Variants in BCAR3 observed in about 807,000 individuals in gnomAD.
The protein encoded by BCAR3 is breast cancer anti-estrogen resistance protein 3.
A neutral mutation model predicts 80.1 loss-of-function variants in BCAR3; 37 were observed. The observed-to-expected ratio is 0.46, with a 90% CI of 0.36 to 0.61. BCAR3 has a LOEUF of 0.61. BCAR3 is among the 20% of genes least tolerant of loss of function. BCAR3 has a pLI of 0.00. For synonymous variants in BCAR3, 389 were observed against 418.9 expected, an observed-to-expected ratio of 0.93 and a Z score of 0.87; for missense variants, 978 against 1,068.2, an observed-to-expected ratio of 0.92 and a Z score of 1.18.
intron 3 of BCAR3, among the ~76,000 whole-genome samples, chr1:93,641,637 T>C (rs1353330753): frequency 6.6e-6 from 1 of 152,224 alleles, no homozygotes; most frequent in East Asian, 1.9e-4. Context: ...GTTGAATACT[T>C]AGAAGCATTG....
chr1:93,619,086 A>G (rs934191955), intron 3 of BCAR3, among the ~76,000 whole-genome samples: 8 of 149,116 alleles, frequency 5.4e-5, no homozygotes, highest in East Asian at 2.0e-4. Context: ...CTACAGGCAC[A>G]TGCCACCACG....
In BCAR3 at chr1:93,586,350, C is replaced by T. The variant is rs540941512; in HGVS notation, c.930-2229G>A. ...TTATTTCACTTAACATAATGATCTC[C>T]AATTCCATCCACGTGGTTGCAAATA... On this transcript the variant is annotated intron_variant, in intron 5 of 11. Transcript: ENST00000260502. This position sits in a 1 kb window ranked among gnomAD's most constrained non-coding sequence, Gnocchi z 4.2. Among the ~76,000 whole-genome samples the T allele has an allele frequency of 6.6e-6, 1 of 152,278 alleles. No individual in the cohort carries two copies. Among genetic ancestry groups the T allele is most frequent in the Non-Finnish European group, 1.5e-5 (1 of 68,020 alleles).
chr1:93,679,439 GGACACA>G (rs917730345), intron 1 of BCAR3, among the ~76,000 whole-genome samples: 1 of 152,242 alleles, frequency 6.6e-6, no homozygotes, highest in Non-Finnish European at 1.5e-5. Context: ...ACATGGACAC[GGACACA>G]GACACAGACA....
At chr1:93,777,381 TTCTTCTTCC>T (rs1279901967) in intron 2 of BCAR3, among the ~76,000 whole-genome samples, 17 of 142,398 alleles carry the variant, frequency 1.2e-4, no homozygotes, top group East Asian at 1.0e-3. Flanking sequence ...CTTCCTCCTC[TTCTTCTTCC>T]TCTTCTTCCT....
At chr1:93,752,359 G>A (rs1651588064) in intron 2 of BCAR3, among the ~76,000 whole-genome samples, 1 of 152,322 alleles carries the variant, frequency 6.6e-6, no homozygotes, top group Middle Eastern at 3.4e-3. Context: ...CTCCTTCCCA[G>A]GCTAGGGCCA....
chr1:93,700,284 C>T (rs1204423673), intron 3 of BCAR3, among the ~76,000 whole-genome samples: 3 of 152,168 alleles, frequency 2.0e-5, no homozygotes, highest in Non-Finnish European at 2.9e-5. Flanking sequence ...CCTCCTCCTC[C>T]TGAGCTCAAG....
chr1:93,820,319 C>G (rs1346879142), intron 2 of BCAR3, among the ~76,000 whole-genome samples: 1 of 152,186 alleles, frequency 6.6e-6, no homozygotes, highest in Non-Finnish European at 1.5e-5. Flanking sequence ...ATACTAACTA[C>G]CTGGAATTAG....
At chr1:93,834,624 G>A (rs188894394) in intron 2 of BCAR3, among the ~76,000 whole-genome samples, 1 of 152,338 alleles carries the variant, frequency 6.6e-6, no homozygotes, top group Non-Finnish European at 1.5e-5. Flanking sequence ...TAGCCCTCAT[G>A]TCTGTGTGTG....
intron 2 of BCAR3, among the ~76,000 whole-genome samples, chr1:93,758,221 G>A (rs1173941375): frequency 6.6e-6 from 1 of 152,214 alleles, no homozygotes; most frequent in African/African-American, 2.4e-5. Flanking sequence ...GTACCTGTCA[G>A]AGACCAGAGA....
intron 2 of BCAR3, among the ~76,000 whole-genome samples, chr1:93,813,711 G>A (rs1438447111): frequency 6.6e-6 from 1 of 152,154 alleles, no homozygotes; most frequent in African/African-American, 2.4e-5. Flanking sequence ...AACATATTAT[G>A]ATTGCAACTT....
chr1:93,845,484 A>C (rs1418703167), intron 2 of BCAR3: 53 of 3,316 alleles, frequency 0.016, 5 homozygotes, highest in East Asian at 0.083. Flanking sequence ...ATATATATAT[A>C]TATATATATA....
intron 3 of BCAR3, among the ~76,000 whole-genome samples, chr1:93,701,453 GC>G (rs1357050635): frequency 3.3e-5 from 5 of 152,224 alleles, no homozygotes; most frequent in African/African-American, 1.2e-4. Context: ...GGTCTGTTGG[GC>G]CCTGAGAAAA....
At chr1:93,664,885 C>A (rs1222433405) in intron 2 of BCAR3, among the ~76,000 whole-genome samples, 1 of 152,194 alleles carries the variant, frequency 6.6e-6, no homozygotes, top group Non-Finnish European at 1.5e-5. Context: ...TGTTTGGCTG[C>A]TATCTATCTG....
chr1:93,588,927 T>C lies in BCAR3; in HGVS notation c.929+50A>G, dbSNP rs538963546. On this transcript the variant is annotated intron_variant, in intron 5 of 11. Transcript: ENST00000260502. ...GAATTCTTCACCTGCCTAACTAACC[T>C]TGGGCACCCCGGCGCCCCTCATAGT... 2.8e-5 allele frequency: 41 copies of C among 1,488,726 alleles called. No homozygotes were observed. In the South Asian group the frequency reaches 4.6e-4, roughly 17 times the overall value. 92.2% of individuals were successfully genotyped at this position (1,488,726 alleles called of 1,614,324 possible). A position where few individuals can be genotyped will look rare whatever the true frequency, so the allele number is the denominator to read the frequency against.
intron 4 of BCAR3, among the ~76,000 whole-genome samples, chr1:93,590,992 A>G (rs1674151304): frequency 6.6e-6 from 1 of 152,128 alleles, no homozygotes; most frequent in African/African-American, 2.4e-5. Context: ...GGGAGGATGT[A>G]TGTACACAAA....
intron 2 of BCAR3, among the ~76,000 whole-genome samples, chr1:93,800,575 C>CTAAATAAA (rs3068793): frequency 2.2e-4 from 33 of 150,490 alleles, no homozygotes; most frequent in African/African-American, 6.4e-4. Flanking sequence ...GACTCTGTCT[C>CTAAATAAA]TAAATAAATA....
At chr1:93,571,967 GCA>G (rs890204033) in intron 8 of BCAR3, 126 bp from the exon 9 acceptor site, 3 of 1,165,460 alleles carry the variant, frequency 2.6e-6, no homozygotes, top group East Asian at 2.4e-5. Flanking sequence ...TGTGCCGGCA[GCA>G]CAGTTTAGAC....
In BCAR3 at chr1:93,582,628, G is replaced by T. The variant is rs1302061646; in HGVS notation, c.1359C>A (p.Ser453Arg). 1 of 1,613,960 alleles carries T rather than the reference G, an allele frequency of 6.2e-7. No homozygotes were observed. Among genetic ancestry groups the T allele is most frequent in the Admixed American group, 1.7e-5 (1 of 59,994 alleles). ...GAKLPSCAQG[S>R]HTELLTAKQN... ...GCTTGGCTGTGAGCAGTTCTGTGTG[G>T]CTTCCCTGGGCACATGAGGGTAGCT... Residue 453 changes from serine to arginine, a missense_variant, in exon 7 of 12, where the codon AGC becomes AGA. Transcript: ENST00000260502.
intron 2 of BCAR3, among the ~76,000 whole-genome samples, chr1:93,790,532 T>A (rs989031805): frequency 6.6e-6 from 1 of 151,970 alleles, no homozygotes; most frequent in Non-Finnish European, 1.5e-5. Context: ...AGCTTTCCTA[T>A]GAATCCAGTA....
Sources: allele counts gnomAD v4.1 joint callset (sites outside exome capture counted in the v4.1 genomes callset), GRCh38; gene constraint gnomAD v4.1.1; non-coding constraint Gnocchi (gnomAD v3.1); transcripts MANE v1.5; gene names NCBI Gene and HGNC (gene_info 2026-07-23, HGNC 2026-07-21).